MTUS2: variants seen among roughly 807,000 people sequenced by gnomAD.
MTUS2 encodes microtubule-associated tumor suppressor candidate 2.
In MTUS2, 40 loss-of-function variants were observed where a neutral mutation model predicts 114.1. The ratio of observed to expected loss-of-function variants is 0.35; its 90% confidence interval spans 0.27 to 0.46. The LOEUF (loss-of-function observed/expected upper bound fraction) is 0.46, where lower values mean the gene tolerates loss of function less well. MTUS2 is among the 20% of genes least tolerant of loss of function. The pLI is 1.00. For missense variants in MTUS2, 1,679 were observed against 1,705.4 expected, an observed-to-expected ratio of 0.98 and a Z score of 0.27; for synonymous variants, 688 against 672.0, an observed-to-expected ratio of 1.02 and a Z score of -0.37.
At chr13:29,123,178 T>C (rs1891382582) in intron 5 of MTUS2, among the ~76,000 whole-genome samples, 1 of 152,222 alleles carries the variant, frequency 6.6e-6, no homozygotes, top group African/African-American at 2.4e-5. Flanking sequence ...AGCACTTGTT[T>C]TAGTTTCTCT....
intron 7 of MTUS2, among the ~76,000 whole-genome samples, chr13:29,343,740 A>C (rs1370565100): frequency 6.6e-6 from 1 of 151,930 alleles, no homozygotes; most frequent in Non-Finnish European, 1.5e-5. Context: ...GTATGACCTT[A>C]GATTGTCTGT....
intron 1 of MTUS2, among the ~76,000 whole-genome samples, chr13:28,824,991 C>G (rs1465771118): frequency 6.6e-6 from 1 of 152,194 alleles, no homozygotes; most frequent in Non-Finnish European, 1.5e-5. Flanking sequence ...AGTGAGCCAC[C>G]TGACCAGAGT....
At chr13:29,428,373 T>C (rs1039920670) in intron 8 of MTUS2, among the ~76,000 whole-genome samples, 12 of 152,264 alleles carry the variant, frequency 7.9e-5, no homozygotes, top group Non-Finnish European at 7.3e-5. Flanking sequence ...CAGGCTCGCC[T>C]TTTGTGCTTC....
chr13:29,126,607 A>G (rs917808508), intron 5 of MTUS2, among the ~76,000 whole-genome samples: 2 of 151,696 alleles, frequency 1.3e-5, no homozygotes, highest in African/African-American at 4.8e-5. Context: ...AAACTTTCTT[A>G]AAACCTTATG....
Position 29,502,888 on chromosome 13 carries a change from C to A in MTUS2, c.3897-105C>A, listed in dbSNP as rs533971119. 12 of 1,133,640 alleles carry A rather than the reference C, an allele frequency of 1.1e-5. No individual in the cohort carries two copies. In the East Asian group the frequency reaches 3.0e-4, roughly 28 times the overall value. The allele number at this position is 1,133,640 out of a possible 1,614,324, so 70.2% of individuals were successfully genotyped here. ...TGGGTCACCCTGGTCCCTGTTCTCC[C>A]TGCGGTCATCATGGCCTCCTCCCTT... On this transcript the variant is annotated intron_variant, in intron 15 of 15. Coordinates refer to ENST00000612955, the MANE Select transcript of MTUS2 (RefSeq NM_001033602.4).
At chr13:28,914,001 C>G (rs981957467) in intron 2 of MTUS2, among the ~76,000 whole-genome samples, 1 of 151,906 alleles carries the variant, frequency 6.6e-6, no homozygotes, top group African/African-American at 2.4e-5. Flanking sequence ...ATTCTTCTCT[C>G]TTTTCTATTA....
intron 5 of MTUS2, among the ~76,000 whole-genome samples, chr13:29,280,090 A>G (rs1488833996): frequency 6.6e-6 from 1 of 152,182 alleles, no homozygotes; most frequent in Non-Finnish European, 1.5e-5. Flanking sequence ...AATTCCTGAG[A>G]GAGTCTCTGA....
intron 6 of MTUS2, among the ~76,000 whole-genome samples, chr13:29,291,395 T>C (rs1239551315): frequency 6.6e-6 from 1 of 152,222 alleles, no homozygotes; most frequent in Non-Finnish European, 1.5e-5. Flanking sequence ...CCATTTTTGT[T>C]TTCAAAAGGC....
At chr13:29,367,279 G>T (rs1479230267) in intron 8 of MTUS2, among the ~76,000 whole-genome samples, 1 of 152,168 alleles carries the variant, frequency 6.6e-6, no homozygotes, top group Non-Finnish European at 1.5e-5. Context: ...TTCCGGGACA[G>T]CAGGAAGAAC....
intron 8 of MTUS2, among the ~76,000 whole-genome samples, chr13:29,390,814 G>A (rs954745723): frequency 2.0e-4 from 30 of 151,448 alleles, no homozygotes; most frequent in African/African-American, 6.5e-4. Flanking sequence ...ATGTAGTGTC[G>A]CTCTGTCACC....
chr13:28,988,402 TGTACA>T (rs1219571652), intron 2 of MTUS2, among the ~76,000 whole-genome samples: 1 of 152,250 alleles, frequency 6.6e-6, no homozygotes, highest in Non-Finnish European at 1.5e-5. Flanking sequence ...GAATTCATTT[TGTACA>T]GATGTGTTGT....
intron 5 of MTUS2, among the ~76,000 whole-genome samples, chr13:29,174,138 A>G (rs1486466278): frequency 6.6e-6 from 1 of 152,126 alleles, no homozygotes; most frequent in Non-Finnish European, 1.5e-5. Flanking sequence ...GCCTTTCTTT[A>G]TTGGAAAGTG....
At chr13:29,049,720 A>G (rs9508237) in intron 4 of MTUS2, among the ~76,000 whole-genome samples, 40,521 of 152,160 alleles carry the variant, frequency 0.27, 5,786 homozygotes, top group African/African-American at 0.3. Flanking sequence ...CGTTAGAGCA[A>G]TGGGGCCGAG....
chr13:29,217,485 A>C (rs534253703), intron 5 of MTUS2, among the ~76,000 whole-genome samples: 2 of 152,332 alleles, frequency 1.3e-5, no homozygotes, highest in East Asian at 3.9e-4. Flanking sequence ...TGTCTAAAAA[A>C]TATACATACC....
At position 29,132,811 on chromosome 13, in the gene MTUS2, C is replaced by A. The variant is rs7327093; in HGVS notation, c.2644+31841C>A. 6.1e-3 allele frequency among the ~76,000 whole-genome samples: 930 copies of A among 152,248 alleles called. 6 individuals carry two copies. Among genetic ancestry groups the A allele is most frequent in the African/African-American group, 0.021 (881 of 41,540 alleles). On this transcript the variant is annotated intron_variant, in intron 5 of 15. Transcript: ENST00000612955. ...CTACTGCAGTTAATACCACTGTGAA[C>A]CTGGGGGTACAAATATACAAATATC...
At chr13:29,394,396 G>A (rs536688522) in intron 8 of MTUS2, among the ~76,000 whole-genome samples, 2 of 152,268 alleles carry the variant, frequency 1.3e-5, no homozygotes, top group South Asian at 2.1e-4. Context: ...TGGACGATTG[G>A]CAATTGGTTG....
intron 2 of MTUS2, among the ~76,000 whole-genome samples, chr13:28,851,116 G>A (rs1157809915): frequency 6.6e-6 from 1 of 152,152 alleles, no homozygotes; most frequent in Non-Finnish European, 1.5e-5. Flanking sequence ...GTGTCTCTGA[G>A]GGCTGTCTCT....
intron 10 of MTUS2, chr13:29,482,036 C>T (rs1268907849): frequency 6.6e-6 from 1 of 152,146 alleles, no homozygotes; most frequent in African/African-American, 2.4e-5. Context: ...GGTATGAATA[C>T]CAGCTTGTTC....
intron 2 of MTUS2, among the ~76,000 whole-genome samples, chr13:29,001,898 G>A (rs1885401014): frequency 6.6e-6 from 1 of 152,118 alleles, no homozygotes; most frequent in South Asian, 2.1e-4. Context: ...GAAATAGAAG[G>A]AAGGGGCTAC....
Sources: allele counts gnomAD v4.1 joint callset (sites outside exome capture counted in the v4.1 genomes callset), GRCh38; gene constraint gnomAD v4.1.1; transcripts MANE v1.5; gene names NCBI Gene and HGNC (gene_info 2026-07-23, HGNC 2026-07-21).